Variants in CNTN1 observed in about 807,000 individuals in gnomAD.
The protein encoded by CNTN1 is contactin-1.
Under a neutral mutation model 126.4 loss-of-function variants are expected in CNTN1, and 38 were observed. That is an observed-to-expected ratio of 0.30 (90% confidence interval 0.23 to 0.39). The LOEUF is 0.39. Among genes scored for constraint, CNTN1 ranks in the 10% least tolerant of loss-of-function variants. The pLI is 1.00. For synonymous variants in CNTN1, 413 were observed against 422.6 expected (o/e 0.98, Z 0.28); for missense variants, 1,009 against 1,248.4 (o/e 0.81, Z 2.89).
intron 17 of CNTN1, chr12:41,005,195 G>A (rs1948459291): frequency 6.6e-6 from 1 of 152,106 alleles, no homozygotes. Context: ...ATGAAGCTTA[G>A]TTTGGCTAGA....
chr12:40,875,593 A>T (rs1298540149), intron 1 of CNTN1, among the ~76,000 whole-genome samples: 3 of 152,164 alleles, frequency 2.0e-5, no homozygotes, highest in Non-Finnish European at 4.4e-5. Context: ...GTGGGATCCC[A>T]TTATATAGGA....
rs528540072 is a variant in CNTN1 at position 41,020,401 on chromosome 12, T to C, written c.2484T>C (p.His828=). 14 of 1,612,626 alleles carry C rather than the reference T, an allele frequency of 8.7e-6. 1 individual carries two copies. The highest frequency in any genetic ancestry group is 5.5e-5 in the South Asian group (5 of 90,800). Residue 828 remains histidine (H), a synonymous_variant, in exon 20 of 24, where the codon CAT becomes CAC. Transcript: ENST00000551295. ...TATCATCTTCTGAGATATCTGTTCA[T>C]TGGGAACATGTTTTAGAAAAAATAG... The part of the protein sequence containing the change: ...KVLSSSEISV[H]WEHVLEKIVE...
intron 16 of CNTN1, among the ~76,000 whole-genome samples, chr12:40,982,635 C>T (rs980532391): frequency 2.0e-5 from 3 of 152,108 alleles, no homozygotes; most frequent in African/African-American, 7.2e-5. Flanking sequence ...TTTATTGAGT[C>T]CCCACTGTGT....
At chr12:40,909,501 C>T (rs1191859476) in intron 2 of CNTN1, among the ~76,000 whole-genome samples, 1 of 151,744 alleles carries the variant, frequency 6.6e-6, no homozygotes, top group African/African-American at 2.4e-5. Flanking sequence ...TGGTCCTCAT[C>T]CTTTTGTATA....
chr12:41,061,718 T>C, intron 23 of CNTN1: 1 of 448,242 alleles, frequency 2.2e-6, no homozygotes, highest in Non-Finnish European at 4.5e-6. Flanking sequence ...AGGGCTGTAG[T>C]AGGAACCTTA....
chr12:40,884,115 GACAC>G (rs1352705298), intron 1 of CNTN1, among the ~76,000 whole-genome samples: 1 of 151,436 alleles, frequency 6.6e-6, no homozygotes, highest in Non-Finnish European at 1.5e-5. Flanking sequence ...GGTTTGTTCT[GACAC>G]ACTGCCATTT....
rs577978099 is a variant in CNTN1, at chr12:40,943,886, A to G, written c.1508-109A>G. ...GTTCTTGGAATTTGGAAGTGAAAAC[A>G]TCTTATTATTTTGCACAAATAAAAA... On this transcript the variant is annotated intron_variant, in intron 13 of 23. Coordinates refer to ENST00000551295, the MANE Select transcript of CNTN1 (RefSeq NM_001843.4). 13 of 1,379,878 alleles carry G rather than the reference A, an allele frequency of 9.4e-6. No individual in the cohort carries two copies. In the Admixed American group the frequency reaches 1.0e-4, roughly 11 times the overall value. 85.5% of individuals were successfully genotyped at this position (1,379,878 alleles called of 1,614,324 possible).
intron 1 of CNTN1, among the ~76,000 whole-genome samples, chr12:40,894,289 A>G (rs115697019): frequency 9.5e-4 from 144 of 152,318 alleles, no homozygotes; most frequent in African/African-American, 3.3e-3. Flanking sequence ...TGAAGAAGTC[A>G]CTAGATCTTG....
At chr12:40,832,296 G>A (rs755434103) in intron 1 of CNTN1, among the ~76,000 whole-genome samples, 3 of 152,178 alleles carry the variant, frequency 2.0e-5, no homozygotes, top group Non-Finnish European at 2.9e-5. Context: ...ATATTTGACA[G>A]TGGTCCCATG....
chr12:40,823,126 A>G (rs985710251), intron 1 of CNTN1, among the ~76,000 whole-genome samples: 1 of 152,220 alleles, frequency 6.6e-6, no homozygotes. Flanking sequence ...GTAACATAAT[A>G]ACAAATATTA....
At chr12:40,883,227 C>T (rs147193943) in intron 1 of CNTN1, among the ~76,000 whole-genome samples, 167 of 151,556 alleles carry the variant, frequency 1.1e-3, no homozygotes, top group African/African-American at 3.8e-3. Flanking sequence ...TCAAGCAATG[C>T]TTTTTTAAGT....
chr12:41,055,437 C>T (rs979884315), intron 23 of CNTN1, among the ~76,000 whole-genome samples: 8 of 152,108 alleles, frequency 5.3e-5, no homozygotes, highest in Admixed American at 4.6e-4. Flanking sequence ...CAGGAAACCC[C>T]TTTTCTGCTG....
At chr12:40,769,693 C>T (rs1939259127) in intron 1 of CNTN1, among the ~76,000 whole-genome samples, 1 of 152,086 alleles carries the variant, frequency 6.6e-6, no homozygotes, top group African/African-American at 2.4e-5. Context: ...TAGGATATTG[C>T]ATTAAAATAT....
At chr12:41,030,246 T>C (rs1229055183) in intron 23 of CNTN1, among the ~76,000 whole-genome samples, 2 of 151,958 alleles carry the variant, frequency 1.3e-5, no homozygotes, top group Admixed American at 6.6e-5. Flanking sequence ...AAATATGCTA[T>C]ATATTAAACC....
rs902300496 is a variant in CNTN1 at position 40,755,940 on chromosome 12, T to C, written c.-77+63348T>C. Among the ~76,000 whole-genome samples the C allele has an allele frequency of 9.2e-5, 14 of 152,122 alleles. No individual in the cohort carries two copies. The South Asian group carries it at 1.5e-3, about 16-fold the overall frequency. ...CTAGAAGAATGGGAGCAATGAATGG[T>C]TTGGTTGGTTCAATTTCAGGAGATT... On this transcript the variant is annotated intron_variant, in intron 1 of 23. Coordinates refer to ENST00000551295, the MANE Select transcript of CNTN1 (RefSeq NM_001843.4).
At chr12:40,915,109 A>C (rs2136839709) in intron 3 of CNTN1, among the ~76,000 whole-genome samples, 1 of 152,290 alleles carries the variant, frequency 6.6e-6, no homozygotes, top group Non-Finnish European at 1.5e-5. Context: ...TTATCTCAAA[A>C]GCATAATATA....
chr12:41,025,893 A>G (rs554051778), intron 21 of CNTN1, among the ~76,000 whole-genome samples: 122 of 152,284 alleles, frequency 8.0e-4, no homozygotes, highest in African/African-American at 2.7e-3. Flanking sequence ...TCTGTTCTTG[A>G]ACCCAAGTGG....
At chr12:40,813,829 T>C (rs1332410370) in intron 1 of CNTN1, among the ~76,000 whole-genome samples, 1 of 152,192 alleles carries the variant, frequency 6.6e-6, no homozygotes, top group Non-Finnish European at 1.5e-5. Context: ...AAAATATTTC[T>C]ATTTCTCCAC....
At chr12:40,901,218 A>C (rs1057468776) in intron 1 of CNTN1, among the ~76,000 whole-genome samples, 1 of 152,250 alleles carries the variant, frequency 6.6e-6, no homozygotes, top group Non-Finnish European at 1.5e-5. Flanking sequence ...TTCTAGACAC[A>C]TTTAAATTCT....
Sources: allele counts gnomAD v4.1 joint callset (sites outside exome capture counted in the v4.1 genomes callset), GRCh38; gene constraint gnomAD v4.1.1; transcripts MANE v1.5; gene names NCBI Gene and HGNC (gene_info 2026-07-23, HGNC 2026-07-21).